Variants in KIF7 observed in about 807,000 individuals in gnomAD.
The protein encoded by KIF7 is kinesin-like protein KIF7.
In KIF7, 104 loss-of-function variants were observed where a neutral mutation model predicts 135.7. That is an observed-to-expected ratio of 0.77 (90% CI 0.65 to 0.90). The LOEUF (loss-of-function observed/expected upper bound fraction) is 0.90, where lower values mean the gene tolerates loss of function less well. Ranked by LOEUF, KIF7 falls within the 40% of genes least tolerant of loss-of-function variation. KIF7 has a pLI of 0.00. For missense variants in KIF7, 2,005 were observed against 1,839.1 expected (o/e 1.09, Z -1.65); for synonymous variants, 883 against 809.4 (o/e 1.09, Z -1.54).
chr15:89,633,505 TGG>T (rs1324512927), intron 12 of KIF7, among the ~76,000 whole-genome samples, 179 bp downstream of exon 12: 3 of 152,344 alleles, frequency 2.0e-5, no homozygotes, highest in African/African-American at 7.2e-5. Flanking sequence ...AGTCTCACCC[TGG>T]CCTTGAGTTT....
At chr15:89,634,712 T>C (rs1037199361) in intron 11 of KIF7, among the ~76,000 whole-genome samples, 3 of 152,120 alleles carry the variant, frequency 2.0e-5, no homozygotes, top group South Asian at 2.1e-4. Flanking sequence ...AGCACAGCAG[T>C]CGGAGATCAA....
intron 11 of KIF7, among the ~76,000 whole-genome samples, chr15:89,634,481 G>A (rs940914005): frequency 4.6e-5 from 7 of 152,172 alleles, no homozygotes; most frequent in South Asian, 2.1e-4. Flanking sequence ...CACCGTGCGC[G>A]AGCCGAAGCA....
At position 89,629,202 on chromosome 15, in the gene KIF7, G is replaced by A. The variant is rs1963611211; in HGVS notation, c.3518-80C>T. 1.2e-4 allele frequency: 30 copies of A among 251,278 alleles called. No homozygotes were observed. In the South Asian group the frequency reaches 1.5e-3, roughly 13 times the overall value. 15.6% of individuals were successfully genotyped at this position (251,278 alleles called of 1,614,324 possible). A position where few individuals can be genotyped will look rare whatever the true frequency, so the allele number is the denominator to read the frequency against. Reference sequence around the variant, plus strand: ...CCAGGGCTGTGGGGGTGGGGGCTGTGGGCTGGGTGGGGGCCGGGGTTGTGA... The same window carrying A: ...CCAGGGCTGTGGGGGTGGGGGCTGTAGGCTGGGTGGGGGCCGGGGTTGTGA... On this transcript the variant is annotated intron_variant, in intron 17 of 18. Transcript: ENST00000394412.
At chr15:89,643,781 A>C (rs1963963152) in intron 10 of KIF7, among the ~76,000 whole-genome samples, 2 of 151,600 alleles carry the variant, frequency 1.3e-5, no homozygotes, top group Non-Finnish European at 2.9e-5. Context: ...GCTACTCGAG[A>C]GGCTGAAGCA....
chr15:89,657,552 C>A (rs1964220989), upstream of KIF7, among the ~76,000 whole-genome samples: 1 of 152,016 alleles, frequency 6.6e-6, no homozygotes, highest in South Asian at 2.1e-4. Flanking sequence ...CTGGTGTGTA[C>A]CCGAGTGTCC....
chr15:89,633,488 T>C (rs762562536), intron 12 of KIF7, among the ~76,000 whole-genome samples, 198 bp downstream of exon 12: 1 of 152,194 alleles, frequency 6.6e-6, no homozygotes, highest in Non-Finnish European at 1.5e-5. Flanking sequence ...ATACCTCATC[T>C]CACTGAAGTC....
intron 1 of KIF7, among the ~76,000 whole-genome samples, chr15:89,653,185 G>A (rs1301855045): frequency 6.6e-6 from 1 of 152,196 alleles, no homozygotes; most frequent in Non-Finnish European, 1.5e-5. Flanking sequence ...CTGGCGAAAT[G>A]AGGCCCTAAC....
intron 10 of KIF7, among the ~76,000 whole-genome samples, chr15:89,644,732 C>G (rs1567064951): frequency 6.6e-6 from 1 of 152,172 alleles, no homozygotes; most frequent in Non-Finnish European, 1.5e-5. Flanking sequence ...AAGAGCTATT[C>G]TAAGCACTTC....
intron 1 of KIF7, chr15:89,619,666 T>C (rs376956737): frequency 6.3e-7 from 1 of 1,575,312 alleles, no homozygotes; most frequent in African/African-American, 1.4e-5. Context: ...ATGTCAAGCT[T>C]GTAGTTGTCT....
At chr15:89,654,154 C>T (rs1390405662) in intron 1 of KIF7, among the ~76,000 whole-genome samples, 2 of 152,074 alleles carry the variant, frequency 1.3e-5, no homozygotes, top group African/African-American at 4.8e-5. Flanking sequence ...GGACTACAGG[C>T]GCCCGCCACC....
Position 89,642,224 on chromosome 15 carries a change from A to G in KIF7, c.2373T>C (p.Ala791=), listed in dbSNP as rs1342029594. ...TAACCTGCACCTGGCTCTGGGCCGC[A>G]GCGACCCTCCTGCGGAACTCCTGGA... ...SRLQEFRRRV[A]AAQSQVQVLK... The change falls in exon 11 of 19, where the codon GCT becomes GCC. Residue 791 remains alanine, a synonymous_variant. Coordinates refer to ENST00000394412, the MANE Select transcript of KIF7 (RefSeq NM_198525.3). 6.2e-7 allele frequency: 1 copy of G among 1,610,136 alleles called. No homozygotes were observed. The highest frequency in any genetic ancestry group is 8.5e-7 in the Non-Finnish European group (1 of 1,179,566).
Position 89,652,851 on chromosome 15 carries a change from G to A in KIF7, c.80C>T (p.Pro27Leu), listed in dbSNP as rs1964146361. The A allele has an allele frequency of 6.5e-7, 1 of 1,548,394 alleles. No individual in the cohort carries two copies. The highest frequency in any genetic ancestry group is 1.4e-5 in the African/African-American group (1 of 73,030). ...CTGATGCCCGTGCAGCAGCTCCTTG[G>A]GCAGCAGTGGTCGAACTCGCAGGGC... Reference protein sequence around the residue: ...RVALRVRPLLPKELLHGHQSC... With the variant: ...RVALRVRPLLLKELLHGHQSC... The change falls in exon 2 of 19, where the codon CCC (proline) becomes CTC (leucine). Residue 27 changes from proline (P) to leucine (L), a missense_variant. By Grantham distance (98) the Pro-to-Leu change is moderately conservative. Coordinates refer to ENST00000394412, the MANE Select transcript of KIF7 (RefSeq NM_198525.3).
downstream of KIF7, chr15:89,624,672 T>C (rs78363401): frequency 4.2e-3 from 6,769 of 1,614,066 alleles, 242 homozygotes; most frequent in African/African-American, 0.077. Flanking sequence ...CATCCTCTCC[T>C]CTGCTCATTA....
chr15:89,628,743 A>G lies in KIF7; in HGVS notation c.3708T>C (p.Pro1236=). 6.2e-7 allele frequency: 1 copy of G among 1,612,734 alleles called. No individual in the cohort carries two copies. The highest frequency in any genetic ancestry group is 8.5e-7 in the Non-Finnish European group (1 of 1,179,954). The stretch of plus-strand genomic sequence containing the variant: ...CCAGGTGGAGCTCATCTTCATTTCC[A>G]GGAGCCTGTCTGCCCTCCGAGCACA... ...RSLCSEGRQA[P]GNEDELHLAP... is the part of the protein sequence containing the mutation. The change falls in exon 19 of 19, where the codon CCT becomes CCC. Residue 1236 remains proline (P), a synonymous_variant. Coordinates refer to ENST00000394412, the MANE Select transcript of KIF7 (RefSeq NM_198525.3).
At chr15:89,624,259 T>C (rs1963473587), downstream of KIF7, 2 of 1,614,208 alleles carry the variant, frequency 1.2e-6, no homozygotes, top group African/African-American at 1.3e-5. Context: ...CTCTCCTTTA[T>C]GTGATGTCTC....
At chr15:89,662,838 G>A in the KIF7 span, among the ~76,000 whole-genome samples, 1 of 152,232 alleles carries the variant, frequency 6.6e-6, no homozygotes, top group African/African-American at 2.4e-5. Flanking sequence ...TGGCCAAGAT[G>A]TGTTCAAAAT....
At position 89,645,056 on chromosome 15, in the gene KIF7, G is replaced by A. The variant is rs748726975; in HGVS notation, c.2148C>T (p.Asn716=). The change falls in exon 10 of 19, where the codon AAC becomes AAT. Residue 716 remains asparagine (N), a synonymous_variant. Transcript: ENST00000394412. ...CAATAAGCTCCTCCTTCATGCGGAT[G>A]TTGATAGCCAGCTCCCGGATCTTCT... ...AQQKIRELAI[N]IRMKEELIGE... 3.1e-5 allele frequency: 50 copies of A among 1,607,052 alleles called. No homozygotes were observed. Among genetic ancestry groups the A allele is most frequent in the Non-Finnish European group, 4.0e-5 (47 of 1,180,014 alleles).
At chr15:89,624,473 CCT>C (rs1963479123), downstream of KIF7, 1 of 1,614,178 alleles carries the variant, frequency 6.2e-7, no homozygotes, top group Non-Finnish European at 8.5e-7. Flanking sequence ...TGTAGAAAGA[CCT>C]CTGATCCCAG....
At chr15:89,626,578 G>C (rs1963531452), downstream of KIF7, among the ~76,000 whole-genome samples, 1 of 152,114 alleles carries the variant, frequency 6.6e-6, no homozygotes, top group African/African-American at 2.4e-5. Context: ...TCTGCTGCTA[G>C]AATCAAAGGG....
Sources: gnomAD v4.1 joint callset for allele counts (sites outside exome capture counted in the v4.1 genomes callset) on GRCh38, gnomAD v4.1.1 for gene constraint, MANE v1.5 for transcripts, NCBI Gene and HGNC (gene_info 2026-07-23, HGNC 2026-07-21) for gene names.